The following ZBTB16 variants were observed in gnomAD, a reference collection of about 807,000 sequenced individuals.
The protein encoded by ZBTB16 is zinc finger and BTB domain-containing protein 16.
ZBTB16 carries 8 observed loss-of-function variants against 56.8 expected under a neutral mutation model. The ratio of observed to expected loss-of-function variants is 0.14; its 90% CI spans 0.08 to 0.25. The LOEUF is 0.25. Among genes scored for constraint, ZBTB16 ranks in the 10% least tolerant of loss-of-function variants. The pLI is 1.00. For synonymous variants in ZBTB16, 363 were observed against 368.5 expected (o/e 0.98, Z 0.17); for missense variants, 625 against 903.0 (o/e 0.69, Z 3.95).
At chr11:114,248,941 G>A (rs189158110) in intron 6 of ZBTB16, among the ~76,000 whole-genome samples, 34 of 152,258 alleles carry the variant, frequency 2.2e-4, no homozygotes, top group Admixed American at 8.5e-4. Context: ...GCCTGTGCGC[G>A]GGGGAGTATT....
chr11:114,067,065 C>T (rs185181199), intron 2 of ZBTB16, among the ~76,000 whole-genome samples: 33 of 152,222 alleles, frequency 2.2e-4, no homozygotes, highest in Admixed American at 1.3e-3. Flanking sequence ...CCACCCCGCC[C>T]GGCCTTCACT....
At chr11:114,078,463 C>G (rs2137690237) in intron 2 of ZBTB16, among the ~76,000 whole-genome samples, 1 of 152,342 alleles carries the variant, frequency 6.6e-6, no homozygotes, top group South Asian at 2.1e-4. Context: ...AAACTTCTGA[C>G]CTCATCACCT....
Position 114,144,428 on chromosome 11 carries a change from G to A in ZBTB16, c.1269-11909G>A, listed in dbSNP as rs536601130. 5.9e-5 allele frequency among the ~76,000 whole-genome samples: 9 copies of A among 152,332 alleles called. 1 individual carries two copies. In the South Asian group the frequency reaches 1.5e-3, roughly 25 times the overall value. ...TTACAGGCCGTTTTAATTACCTGCA[G>A]CTTGCAAAGGGCCTTGCTCTGTCCC... On this transcript the variant is annotated intron_variant, in intron 2 of 6. Coordinates refer to ENST00000335953, the MANE Select transcript of ZBTB16 (RefSeq NM_006006.6).
At chr11:114,078,683 C>T (rs982846676) in intron 2 of ZBTB16, among the ~76,000 whole-genome samples, 2 of 151,886 alleles carry the variant, frequency 1.3e-5, no homozygotes, top group African/African-American at 2.4e-5. Flanking sequence ...TAGTGAAATA[C>T]AGCCCAGGAA....
At chr11:114,160,213 T>C (rs1302498929) in intron 3 of ZBTB16, among the ~76,000 whole-genome samples, 2 of 152,160 alleles carry the variant, frequency 1.3e-5, no homozygotes, top group Admixed American at 6.5e-5. Context: ...GGGTACAGTA[T>C]GTACAGTGAG....
chr11:114,194,969 C>A (rs1033215626), intron 4 of ZBTB16, among the ~76,000 whole-genome samples: 1 of 152,186 alleles, frequency 6.6e-6, no homozygotes, highest in Non-Finnish European at 1.5e-5. Flanking sequence ...CATCACTGAG[C>A]AGAAATAGCT....
intron 3 of ZBTB16, among the ~76,000 whole-genome samples, chr11:114,163,619 T>A (rs1469130017): frequency 6.6e-6 from 1 of 151,958 alleles, no homozygotes; most frequent in Non-Finnish European, 1.5e-5. Context: ...TCATTGCAGG[T>A]CATGGTTTTA....
At chr11:114,109,612 A>T (rs7936348) in intron 2 of ZBTB16, among the ~76,000 whole-genome samples, 3 of 151,874 alleles carry the variant, frequency 2.0e-5, no homozygotes, top group African/African-American at 7.3e-5. Flanking sequence ...ACATCCTTGC[A>T]GAGGCCATCC....
At chr11:114,082,326 G>GTA (rs1390206749) in intron 2 of ZBTB16, among the ~76,000 whole-genome samples, 1 of 152,064 alleles carries the variant, frequency 6.6e-6, no homozygotes, top group Non-Finnish European at 1.5e-5. Flanking sequence ...ACCATGAACT[G>GTA]TAGCTTCTTC....
Position 114,250,676 on chromosome 11 carries a change from A to G in ZBTB16, c.*121A>G. On this transcript the variant is annotated 3_prime_UTR_variant, in exon 7 of 7. Coordinates refer to ENST00000335953, the MANE Select transcript of ZBTB16 (RefSeq NM_006006.6). The surrounding 1 kb of genome is among the most constrained non-coding windows in gnomAD (Gnocchi z 6.0). ...AAAAAAAAAACAGAAGGAAAAGGAA[A>G]CCTGGTAGCTTTTTGGCCTTGGATT... 1.8e-6 allele frequency: 2 copies of G among 1,133,938 alleles called. No individual in the cohort carries two copies. The highest frequency in any genetic ancestry group is 2.5e-6 in the Non-Finnish European group (2 of 798,918). The allele number at this position is 1,133,938 out of a possible 1,614,324, so 70.2% of individuals were successfully genotyped here.
chr11:114,181,823 C>T (rs761406185), intron 3 of ZBTB16, among the ~76,000 whole-genome samples: 7 of 152,084 alleles, frequency 4.6e-5, no homozygotes, highest in African/African-American at 1.4e-4. Context: ...ATTTCTTTCC[C>T]GCAATCTATC....
chr11:114,078,195 C>T (rs981697726), intron 2 of ZBTB16, among the ~76,000 whole-genome samples: 5 of 152,184 alleles, frequency 3.3e-5, no homozygotes, highest in African/African-American at 1.2e-4. Flanking sequence ...TTCATGTGGA[C>T]ATGCAGAGTC....
chr11:114,243,880 G>A (rs146182731), intron 5 of ZBTB16, among the ~76,000 whole-genome samples: 1 of 152,296 alleles, frequency 6.6e-6, no homozygotes, highest in Admixed American at 6.5e-5. Flanking sequence ...TCAGAGCTCA[G>A]ATATGAAAAT....
In ZBTB16 at chr11:114,088,159, T is replaced by TG. The variant is rs1555130565; in HGVS notation, c.1268+23592dup. ...ATACTTCTTTTTTTTTTTTTTTTTT[T>TG]GATACAGAGTCTCACTCTGTTGCCC... is the stretch of plus-strand genomic sequence containing the variant. On this transcript the variant is annotated intron_variant, in intron 2 of 6. Coordinates refer to ENST00000335953, the MANE Select transcript of ZBTB16 (RefSeq NM_006006.6). 8.2e-3 allele frequency among the ~76,000 whole-genome samples: 1,232 copies of TG among 150,618 alleles called. 16 individuals carry two copies. Among genetic ancestry groups the TG allele is most frequent in the African/African-American group, 0.027 (1,088 of 40,762 alleles).
At chr11:114,164,027 G>A (rs141343580) in intron 3 of ZBTB16, among the ~76,000 whole-genome samples, 1 of 152,296 alleles carries the variant, frequency 6.6e-6, no homozygotes, top group East Asian at 1.9e-4. Flanking sequence ...GTTCAGCGCT[G>A]TATCTTATTT....
chr11:114,242,225 A>C lies in ZBTB16; in HGVS notation c.1512A>C (p.Ala504=), dbSNP rs117928729. The change falls in exon 5 of 7, where the codon GCA becomes GCC. Residue 504 remains alanine (A), a synonymous_variant. Coordinates refer to ENST00000335953, the MANE Select transcript of ZBTB16 (RefSeq NM_006006.6). ...GGAAGCGCTTCCAGGCGCAGAGCGC[A>C]CTGCAGCAGCACATGGAGGTCCACG... ...LCGKRFQAQS[A]LQQHMEVHAG... is the part of the protein sequence containing the mutation. The C allele has an allele frequency of 2.5e-6, 4 of 1,613,968 alleles. No homozygotes were observed. In the Admixed American group the frequency reaches 6.7e-5, roughly 27 times the overall value.
rs1555132749 is a variant in ZBTB16 at position 114,095,245 on chromosome 11, C to CTTTTCTTTTCTTTTCT, written c.1268+30681_1268+30682insCTTTTCTTTTCTTTTT. Among the ~76,000 whole-genome samples the CTTTTCTTTTCTTTTCT allele has an allele frequency of 6.9e-3, 624 of 90,562 alleles. 24 individuals are homozygous for CTTTTCTTTTCTTTTCT. Among genetic ancestry groups the CTTTTCTTTTCTTTTCT allele is most frequent in the Non-Finnish European group, 8.9e-3 (451 of 50,762 alleles). 59.4% of individuals were successfully genotyped at this position (90,562 alleles called of 152,430 possible). A position where few individuals can be genotyped will look rare whatever the true frequency, so the allele number is the denominator to read the frequency against. On this transcript the variant is annotated intron_variant, in intron 2 of 6. Coordinates refer to ENST00000335953, the MANE Select transcript of ZBTB16 (RefSeq NM_006006.6). ...TAACCAATTTCTTTTCTTTTCTTTT[C>CTTTTCTTTTCTTTTCT]TTTTTTTTTTTTTTTTTTTTTTTTT...
At chr11:114,135,537 T>C (rs1341132447) in intron 2 of ZBTB16, among the ~76,000 whole-genome samples, 1 of 151,982 alleles carries the variant, frequency 6.6e-6, no homozygotes, top group East Asian at 1.9e-4. Flanking sequence ...GAGTGAGCCA[T>C]GGGCCCAGGA....
intron 2 of ZBTB16, among the ~76,000 whole-genome samples, chr11:114,068,456 A>T (rs940634749): frequency 1.3e-5 from 2 of 152,200 alleles, no homozygotes; most frequent in African/African-American, 4.8e-5. Flanking sequence ...GGACAGCAAG[A>T]TGTACAAGCC....
Sources: allele counts gnomAD v4.1 joint callset (sites outside exome capture counted in the v4.1 genomes callset), GRCh38; gene constraint gnomAD v4.1.1; non-coding constraint Gnocchi (gnomAD v3.1); transcripts MANE v1.5; gene names NCBI Gene and HGNC (gene_info 2026-07-23, HGNC 2026-07-21).